The following EEF1E1 variants were observed in gnomAD, a reference collection of about 807,000 sequenced individuals.
EEF1E1 encodes eukaryotic translation elongation factor 1 epsilon 1.
EEF1E1 carries 19 observed loss-of-function variants against 19.9 expected under a neutral mutation model. That is an observed-to-expected ratio of 0.95 (90% CI 0.66 to 1.40). The LOEUF (loss-of-function observed/expected upper bound fraction) is 1.40. Among genes scored for constraint, EEF1E1 ranks in the 40% most tolerant of loss-of-function variants. EEF1E1 has a pLI of 0.00. For missense variants in EEF1E1, 198 were observed against 202.2 expected, an observed-to-expected ratio of 0.98 and a Z score of 0.13; for synonymous variants, 81 against 80.0, an observed-to-expected ratio of 1.01 and a Z score of -0.07.
chr6:8,102,398 T>C (rs1758391312), intron 1 of EEF1E1, 37 bp downstream of exon 1: 1 of 1,592,576 alleles, frequency 6.3e-7, no homozygotes. Flanking sequence ...CCCGCTCCCG[T>C]CCACCTCTTC....
At chr6:8,096,223 C>T (rs1032987821) in intron 2 of EEF1E1, among the ~76,000 whole-genome samples, 1 of 152,212 alleles carries the variant, frequency 6.6e-6, no homozygotes, top group East Asian at 1.9e-4. Context: ...TACTTCATTA[C>T]TATCCTTTCC....
At chr6:8,078,699 T>G, downstream of EEF1E1, 1 of 1,286,884 alleles carries the variant, frequency 7.8e-7, no homozygotes, top group Non-Finnish European at 1.0e-6. Context: ...GGGGGCCTGT[T>G]ACAATCCTCA....
intron 3 of EEF1E1, among the ~76,000 whole-genome samples, chr6:8,086,827 A>G (rs1757866944): frequency 6.6e-6 from 1 of 152,208 alleles, no homozygotes; most frequent in South Asian, 2.1e-4. Context: ...CCACCTACAC[A>G]TGCCAGGAAT....
rs138277189 is a variant in EEF1E1, at chr6:8,094,912, T to C, written c.288+2355A>G. Among the ~76,000 whole-genome samples, 606 of 152,316 alleles carry C rather than the reference T, an allele frequency of 4.0e-3. 6 individuals carry two copies. Among genetic ancestry groups the C allele is most frequent in the African/African-American group, 0.014 (587 of 41,550 alleles). On this transcript the variant is annotated intron_variant, in intron 2 of 3. Transcript: ENST00000379715. ...CGCCTTATGATTTTCTTAATAATAT[T>C]CTTTTCTCTAGCTTACTTTAAGAAT...
At chr6:8,099,791 C>CACACACACACACACACAA (rs768224090) in intron 1 of EEF1E1, among the ~76,000 whole-genome samples, 2 of 114,628 alleles carry the variant, frequency 1.7e-5, no homozygotes, top group Admixed American at 8.5e-5. Context: ...CACACACACA[C>CACACACACACACACACAA]AAAAAAAAAA....
intron 1 of EEF1E1, chr6:8,101,690 CTAA>C: frequency 8.1e-7 from 1 of 1,227,346 alleles, no homozygotes; most frequent in Non-Finnish European, 1.1e-6. Context: ...ATTTCCTTCT[CTAA>C]TACATTCCTT....
rs868310013 is a variant in EEF1E1, at chr6:8,084,302, C to G, written c.385-4272G>C. ...AACCTGCCTAAAAACCAAGTACCCT[C>G]CAGTGCACTTAGACTCGTAATTAAA... On this transcript the variant is annotated intron_variant, in intron 3 of 3. Coordinates refer to ENST00000379715, the MANE Select transcript of EEF1E1 (RefSeq NM_004280.5). 1.2e-4 allele frequency among the ~76,000 whole-genome samples: 19 copies of G among 152,312 alleles called. No homozygotes were observed. In the Middle Eastern group the frequency reaches 0.01, roughly 82 times the overall value.
chr6:8,084,447 C>T (rs1372869931), intron 3 of EEF1E1, among the ~76,000 whole-genome samples: 1 of 152,180 alleles, frequency 6.6e-6, no homozygotes, highest in Non-Finnish European at 1.5e-5. Flanking sequence ...TTCCCTACTG[C>T]AAAACCTGCA....
intron 3 of EEF1E1, among the ~76,000 whole-genome samples, chr6:8,089,751 GA>G (rs1757965355): frequency 6.6e-6 from 1 of 152,166 alleles, no homozygotes; most frequent in South Asian, 2.1e-4. Context: ...TGGTTACACA[GA>G]AGATGGGGTA....
At chr6:8,087,431 T>C (rs1757891079) in intron 3 of EEF1E1, among the ~76,000 whole-genome samples, 1 of 152,224 alleles carries the variant, frequency 6.6e-6, no homozygotes, top group Non-Finnish European at 1.5e-5. Flanking sequence ...TTGGCCAGGC[T>C]GGTCTCGAAC....
At chr6:8,098,398 G>A (rs1189223873) in intron 1 of EEF1E1, among the ~76,000 whole-genome samples, 1 of 152,156 alleles carries the variant, frequency 6.6e-6, no homozygotes, top group African/African-American at 2.4e-5. Flanking sequence ...GATTACAAGC[G>A]TGAGCCACCG....
chr6:8,101,729 A>G (rs1445788730), intron 1 of EEF1E1: 2 of 1,286,860 alleles, frequency 1.6e-6, no homozygotes, highest in African/African-American at 3.0e-5. Flanking sequence ...ATAAAACACA[A>G]ACGTTCTAAC....
intron 2 of EEF1E1, among the ~76,000 whole-genome samples, chr6:8,092,872 T>TTTG (rs1370549544): frequency 7.3e-4 from 76 of 104,560 alleles, no homozygotes; most frequent in African/African-American, 3.0e-3. Flanking sequence ...AAGACTGCTT[T>TTTG]TTTTTTTTTT....
rs564605823 is a variant in EEF1E1 at position 8,083,495 on chromosome 6, A to C, written c.385-3465T>G. ...TCACAGGGATGACTATCTCCTAGTG[A>C]AATCACTTTAAGAAAGCAGTGAGTC... is the stretch of plus-strand genomic sequence containing the variant. On this transcript the variant is annotated intron_variant, in intron 3 of 3. Transcript: ENST00000379715. Among the ~76,000 whole-genome samples, 8 of 151,166 alleles carry C rather than the reference A, an allele frequency of 5.3e-5. No individual in the cohort carries two copies. In the South Asian group the frequency reaches 1.7e-3, roughly 32 times the overall value.
intron 3 of EEF1E1, among the ~76,000 whole-genome samples, chr6:8,081,075 A>G (rs1204143403): frequency 1.3e-5 from 2 of 152,272 alleles, no homozygotes; most frequent in Non-Finnish European, 2.9e-5. Context: ...GGATATTAAC[A>G]ATAAAATTAA....
chr6:8,098,120 CT>C (rs34936886), intron 1 of EEF1E1, among the ~76,000 whole-genome samples: 9,990 of 146,272 alleles, frequency 0.068, 497 homozygotes, highest in East Asian at 0.24. Context: ...GAAATAGTAT[CT>C]TTTTTTTTTT....
chr6:8,094,591 G>C (rs1002881787), intron 2 of EEF1E1, among the ~76,000 whole-genome samples: 15 of 151,506 alleles, frequency 9.9e-5, no homozygotes, highest in Non-Finnish European at 1.9e-4. Context: ...AAAAAAATTA[G>C]GCTAAGGAAA....
chr6:8,086,221 G>A (rs1434410197), intron 3 of EEF1E1, among the ~76,000 whole-genome samples: 1 of 152,148 alleles, frequency 6.6e-6, no homozygotes, highest in Non-Finnish European at 1.5e-5. Context: ...CGTTTGCGGG[G>A]TGAGGGGAAA....
chr6:8,078,864 A>T, downstream of EEF1E1: 6 of 1,089,536 alleles, frequency 5.5e-6, no homozygotes, highest in Non-Finnish European at 6.8e-6. Flanking sequence ...AAGTAAGAAA[A>T]TATGATTGAC....
Sources: gnomAD v4.1 joint callset for allele counts (sites outside exome capture counted in the v4.1 genomes callset) on GRCh38, gnomAD v4.1.1 for gene constraint, MANE v1.5 for transcripts, NCBI Gene and HGNC (gene_info 2026-07-23, HGNC 2026-07-21) for gene names.